The following ITPR3 variants were observed in gnomAD, a reference collection of about 807,000 sequenced individuals.
ITPR3 encodes the protein inositol 1,4,5-trisphosphate-gated calcium channel ITPR3.
A neutral mutation model predicts 293.2 loss-of-function variants in ITPR3; 173 were observed. The observed-to-expected ratio is 0.59, with a 90% CI of 0.52 to 0.67. ITPR3 has a LOEUF of 0.67. Ranked by LOEUF, ITPR3 falls within the 30% of genes least tolerant of loss-of-function variation. The pLI, the probability that ITPR3 is intolerant of heterozygous loss-of-function variation, is 0.00. For synonymous variants in ITPR3, 1,295 were observed against 1,444.4 expected, an observed-to-expected ratio of 0.90 and a Z score of 2.35; for missense variants, 2,796 against 3,592.1, an observed-to-expected ratio of 0.78 and a Z score of 5.66.
chr6:33,641,445 C>T (rs1763949090), intron 2 of ITPR3, among the ~76,000 whole-genome samples: 2 of 152,150 alleles, frequency 1.3e-5, no homozygotes. Context: ...CCGGCGGCAT[C>T]CTTGGCTGGC....
In ITPR3 at chr6:33,683,341, C is replaced by G. The variant is rs1268803738; in HGVS notation, c.4732C>G (p.Arg1578Gly). ...SYKATTRAFP[R>G]VTPTANQWDY... ...CAAGGCAACCACGCGGGCCTTCCCC[C>G]GCGTCACCCCCACCGCCAACCAGTG... The change falls in exon 35 of 58, where the codon CGC (arginine) becomes GGC (glycine). Residue 1578 changes from arginine (R) to glycine (G), a missense_variant. Around this residue, in one of 8 missense-constraint regions of ITPR3, gnomAD observed 704 missense variants for 797.5 expected, o/e 0.88. Transcript: ENST00000605930. This position sits in a 1 kb window ranked among gnomAD's most constrained non-coding sequence, Gnocchi z 4.5. The G allele has an allele frequency of 6.3e-7, 1 of 1,595,752 alleles. No individual in the cohort carries two copies.
At position 33,688,283 on chromosome 6, in the gene ITPR3, G is replaced by A. The variant is rs1003319459; in HGVS notation, c.6420G>A (p.Val2140=). The change falls in exon 48 of 58, where the codon GTG becomes GTA. Residue 2140 remains valine (V), a synonymous_variant. Coordinates refer to ENST00000605930, the MANE Select transcript of ITPR3 (RefSeq NM_002224.4). ...DRSMEQIVFP[V]PGICQFLTEE... ...GCATGGAGCAGATCGTGTTCCCAGT[G>A]CCCGGCATCTGCCAGTTCCTGACGG... 1 of 1,614,206 alleles carries A rather than the reference G, an allele frequency of 6.2e-7. No homozygotes were observed. The highest frequency in any genetic ancestry group is 1.3e-5 in the African/African-American group (1 of 75,052).
intron 27 of ITPR3, 24 bp from the exon 28 acceptor site, chr6:33,677,480 C>T: frequency 6.2e-7 from 1 of 1,612,598 alleles, no homozygotes; most frequent in Non-Finnish European, 8.5e-7. Flanking sequence ...GGAAGGGGCT[C>T]TGGCTCACCC....
chr6:33,671,260 T>C lies in ITPR3; in HGVS notation c.2682T>C (p.Cys894=). Residue 894 remains cysteine, a synonymous_variant, in exon 21 of 58, where the codon TGT becomes TGC. Transcript: ENST00000605930. ...LTRTLLGIID[C]VQGPPAMLQA... ...GCACACTGCTGGGCATCATCGACTG[T>C]GTGCAGGGGCCCCCGGCCATGCTGC... The C allele has an allele frequency of 6.2e-7, 1 of 1,613,660 alleles. No homozygotes were observed. Among genetic ancestry groups the C allele is most frequent in the Non-Finnish European group, 8.5e-7 (1 of 1,179,986 alleles).
chr6:33,685,230 C>G (rs1765193065), intron 39 of ITPR3, 129 bp from the exon 40 acceptor site: 3 of 950,078 alleles, frequency 3.2e-6, no homozygotes, highest in Non-Finnish European at 4.7e-6. Context: ...TGCTAGCCAC[C>G]AGCACCCAGG....
chr6:33,683,953 G>C lies in ITPR3; in HGVS notation c.4789-67G>C, dbSNP rs73408274. On this transcript the variant is annotated intron_variant, in intron 35 of 57. Coordinates refer to ENST00000605930, the MANE Select transcript of ITPR3 (RefSeq NM_002224.4). This position sits in a 1 kb window ranked among gnomAD's most constrained non-coding sequence, Gnocchi z 4.5. ...TGTGGGGCTGTTTGGCGTTTGGGTC[G>C]GAGGAATGGCAGTCACACCCGGGTC... 11 of 1,526,338 alleles carry C rather than the reference G, an allele frequency of 7.2e-6. No homozygotes were observed. In the Admixed American group the frequency reaches 7.4e-5, roughly 10 times the overall value. The allele number at this position is 1,526,338 out of a possible 1,614,324, so 94.5% of individuals were successfully genotyped here.
intron 1 of ITPR3, among the ~76,000 whole-genome samples, chr6:33,623,321 GTTTTGT>G (rs1479608719): frequency 5.9e-5 from 7 of 118,266 alleles, no homozygotes; most frequent in Non-Finnish European, 1.0e-4. Context: ...GTGCCTGTGA[GTTTTGT>G]TTTTTTTTTT....
intron 57 of ITPR3, chr6:33,695,401 A>C: frequency 1.8e-6 from 1 of 552,654 alleles, no homozygotes; most frequent in Admixed American, 3.3e-5. Flanking sequence ...GAGATGGGGG[A>C]GTTTAAGGCC....
chr6:33,695,971 CT>C lies in ITPR3; in HGVS notation c.*193del. 1 of 590,710 alleles carries C rather than the reference CT, an allele frequency of 1.7e-6. No individual in the cohort carries two copies. Among genetic ancestry groups the C allele is most frequent in the Non-Finnish European group, 3.0e-6 (1 of 330,950 alleles). The allele number at this position is 590,710 out of a possible 1,614,324, so 36.6% of individuals were successfully genotyped here. The stretch of plus-strand genomic sequence containing the variant: ...GGGAGCCTCAGAGCTGACAGTCCTG[CT>C]TAGAGCCCTTAAAAAGACTTGAAAG... On this transcript the variant is annotated 3_prime_UTR_variant, in exon 58 of 58. Transcript: ENST00000605930.
rs1764507383 is a variant in ITPR3 at position 33,662,815 on chromosome 6, G to A, written c.859-96G>A. ...GAGTCAAAAGGCCAGAGAGGGTCCA[G>A]AACCCACCCACCCAGAGATCTCCAG... On this transcript the variant is annotated intron_variant, in intron 8 of 57. Coordinates refer to ENST00000605930, the MANE Select transcript of ITPR3 (RefSeq NM_002224.4). 27 of 1,495,432 alleles carry A rather than the reference G, an allele frequency of 1.8e-5. No individual in the cohort carries two copies. In the South Asian group the frequency reaches 3.3e-4, roughly 18 times the overall value. The allele number at this position is 1,495,432 out of a possible 1,614,324, so 92.6% of individuals were successfully genotyped here. A position where few individuals can be genotyped will look rare whatever the true frequency, so the allele number is the denominator to read the frequency against.
chr6:33,695,313 G>A, intron 57 of ITPR3: 1 of 585,216 alleles, frequency 1.7e-6, no homozygotes, highest in East Asian at 2.9e-5. Flanking sequence ...TTTAGTACAG[G>A]GTGGTGGGGC....
At chr6:33,645,827 G>A (rs953257456) in intron 2 of ITPR3, among the ~76,000 whole-genome samples, 1 of 151,972 alleles carries the variant, frequency 6.6e-6, no homozygotes, top group Non-Finnish European at 1.5e-5. Flanking sequence ...CACTGAAAAT[G>A]TACTCTTTTT....
intron 16 of ITPR3, 144 bp downstream of exon 16, chr6:33,668,108 G>A: frequency 2.1e-6 from 2 of 960,024 alleles, no homozygotes; most frequent in Non-Finnish European, 3.0e-6. Flanking sequence ...GCACTGGGAG[G>A]CCCTAGCCTC....
chr6:33,671,830 C>T lies in ITPR3; in HGVS notation c.2729-199C>T, dbSNP rs746405468. 2.6e-5 allele frequency among the ~76,000 whole-genome samples: 4 copies of T among 152,002 alleles called. No homozygotes were observed. The East Asian group carries it at 7.7e-4, about 29-fold the overall frequency. On this transcript the variant is annotated intron_variant, in intron 21 of 57. Coordinates refer to ENST00000605930, the MANE Select transcript of ITPR3 (RefSeq NM_002224.4). ...CAGCTCACCTTTGCCCTGACACCTC[C>T]TTCTTTTCCCAGATTTGCTTAAAGC...
At chr6:33,659,402 C>T in intron 6 of ITPR3, 64 bp from the exon 7 acceptor site, 1 of 1,442,650 alleles carries the variant, frequency 6.9e-7, no homozygotes, top group Non-Finnish European at 9.7e-7. Context: ...TCCCTTCAGC[C>T]CTGCTCTGGG....
Position 33,691,138 on chromosome 6 carries a change from T to C in ITPR3, c.7225+29T>C. The C allele has an allele frequency of 6.2e-7, 1 of 1,609,410 alleles. No individual in the cohort carries two copies. The highest frequency in any genetic ancestry group is 1.7e-5 in the Admixed American group (1 of 59,912). ...TTGGAGGCTTCCTCTCCTGGGCAGG[T>C]TGTGGGGAATGAGGTTGGGTCTCAC... On this transcript the variant is annotated intron_variant, in intron 52 of 57. Coordinates refer to ENST00000605930, the MANE Select transcript of ITPR3 (RefSeq NM_002224.4). This position sits in a 1 kb window ranked among gnomAD's most constrained non-coding sequence, Gnocchi z 4.9.
At chr6:33,623,323 T>TG (rs1234708124) in intron 1 of ITPR3, among the ~76,000 whole-genome samples, 2 of 136,654 alleles carry the variant, frequency 1.5e-5, no homozygotes, top group Non-Finnish European at 3.2e-5. Context: ...GCCTGTGAGT[T>TG]TTGTTTTTTT....
At position 33,687,049 on chromosome 6, in the gene ITPR3, G is replaced by T; in HGVS notation, c.6020G>T (p.Arg2007Leu). The change falls in exon 44 of 58, where the codon CGG becomes CTG. Residue 2007 changes from arginine to leucine, a missense_variant. By Grantham distance (102) the Arg-to-Leu change is moderately radical (BLOSUM62 -2). Transcript: ENST00000605930. The surrounding 1 kb of genome is among the most constrained non-coding windows in gnomAD (Gnocchi z 5.3). ...SKLLLALMES[R>L]HDSENAERIL... is the part of the protein sequence containing the mutation. ...CTGCTCCTGGCTCTGATGGAGAGCC[G>T]GCATGACAGTGAAAATGCTGAGCGA... 6.2e-7 allele frequency: 1 copy of T among 1,613,976 alleles called. No individual in the cohort carries two copies. The highest frequency in any genetic ancestry group is 8.5e-7 in the Non-Finnish European group (1 of 1,179,970).
intron 1 of ITPR3, among the ~76,000 whole-genome samples, chr6:33,627,178 C>A (rs189424092): frequency 6.6e-6 from 1 of 152,116 alleles, no homozygotes; most frequent in Non-Finnish European, 1.5e-5. Flanking sequence ...AAGGCAGATT[C>A]TTGGTCTTAG....
Sources: allele counts gnomAD v4.1 joint callset (sites outside exome capture counted in the v4.1 genomes callset), GRCh38; gene constraint gnomAD v4.1.1; regional missense constraint gnomAD v4.1.1; non-coding constraint Gnocchi (gnomAD v3.1); transcripts MANE v1.5; gene names NCBI Gene and HGNC (gene_info 2026-07-23, HGNC 2026-07-21).